The following VPS13C variants were observed in gnomAD, a reference collection of about 807,000 sequenced individuals.
VPS13C encodes vacuolar protein sorting 13 homolog C.
A neutral mutation model predicts 456.8 loss-of-function variants in VPS13C; 358 were observed. The observed-to-expected ratio is 0.78, with a 90% confidence interval of 0.72 to 0.86. The LOEUF is 0.86. Among genes scored for constraint, VPS13C ranks in the 40% least tolerant of loss-of-function variants. VPS13C has a pLI of 0.00. For synonymous variants in VPS13C, 1,578 were observed against 1,486.7 expected, an observed-to-expected ratio of 1.06 and a Z score of -1.41; for missense variants, 4,818 against 4,385.4, an observed-to-expected ratio of 1.10 and a Z score of -2.79.
chr15:61,961,547 A>C, intron 35 of VPS13C, 42 bp downstream of exon 35: 1 of 1,492,490 alleles, frequency 6.7e-7, no homozygotes, highest in East Asian at 2.3e-5. Flanking sequence ...CATGGAAATC[A>C]TGAATATAAT....
At chr15:61,889,118 T>C (rs1449134737) in intron 67 of VPS13C, among the ~76,000 whole-genome samples, 1 of 152,180 alleles carries the variant, frequency 6.6e-6, no homozygotes, top group African/African-American at 2.4e-5. Context: ...ATGAAGTTAT[T>C]TTAGATAAAT....
intron 9 of VPS13C, among the ~76,000 whole-genome samples, chr15:62,016,597 G>T (rs1455583808): frequency 6.6e-6 from 1 of 151,884 alleles, no homozygotes; most frequent in Non-Finnish European, 1.5e-5. Context: ...CAAAGGACAT[G>T]AACTCATCAT....
chr15:61,919,443 T>C lies in VPS13C; in HGVS notation c.7484A>G (p.His2495Arg). Residue 2495 changes from histidine to arginine, a missense_variant, in exon 58 of 85, where the codon CAT becomes CGT. Physicochemically the swap from His to Arg is conservative, Grantham distance 29 (BLOSUM62 0). Around this residue, in one of 3 missense-constraint regions of VPS13C, gnomAD observed 4,552 missense variants for 4,130.6 expected, o/e 1.10. Transcript: ENST00000644861. ...SSFFTLTIVP[H>R]GYTEVANIPV... ...GATATTTGCAACTTCTGTATATCCA[T>C]GAGGTACTAAGGCAGTGCATAAGTG... 2 of 1,580,746 alleles carry C rather than the reference T, an allele frequency of 1.3e-6. No homozygotes were observed. The highest frequency in any genetic ancestry group is 2.3e-5 in the East Asian group (1 of 42,814).
At chr15:61,958,474 T>C in intron 37 of VPS13C, 134 bp downstream of exon 37, 1 of 569,268 alleles carries the variant, frequency 1.8e-6, no homozygotes, top group Non-Finnish European at 3.1e-6. Flanking sequence ...TTCAATAGCA[T>C]CTTGTTTGTT....
At position 61,946,423 on chromosome 15, in the gene VPS13C, T is replaced by A. The variant is rs752389156; in HGVS notation, c.4877-13A>T. 1 of 1,577,762 alleles carries A rather than the reference T, an allele frequency of 6.3e-7. No individual in the cohort carries two copies. ...GAGGCATCCATTCCTATAGGAAACA[T>A]AACATTTATAAACTTTTCACCCAAT... On this transcript the variant is annotated splice_polypyrimidine_tract_variant and intron_variant, in intron 43 of 84. Coordinates refer to ENST00000644861, the MANE Select transcript of VPS13C (RefSeq NM_020821.3).
At chr15:61,896,936 GCCTGAC>G (rs1057080413) in intron 66 of VPS13C, among the ~76,000 whole-genome samples, 56 of 151,900 alleles carry the variant, frequency 3.7e-4, no homozygotes, top group African/African-American at 1.3e-3. Context: ...TCAAGTGGGT[GCCTGAC>G]CCCTGACCCC....
chr15:62,058,132 T>G (rs996314863), intron 1 of VPS13C, among the ~76,000 whole-genome samples: 1 of 152,224 alleles, frequency 6.6e-6, no homozygotes, highest in African/African-American at 2.4e-5. Flanking sequence ...ATGAAGAAAC[T>G]AAGGCCCAAT....
At position 61,920,494 on chromosome 15, in the gene VPS13C, A is replaced by G. The variant is rs773135948; in HGVS notation, c.7212+4T>C. The G allele has an allele frequency of 6.6e-7, 1 of 1,522,606 alleles. No individual in the cohort carries two copies. The highest frequency in any genetic ancestry group is 8.8e-7 in the Non-Finnish European group (1 of 1,135,816). The allele number at this position is 1,522,606 out of a possible 1,614,324, so 94.3% of individuals were successfully genotyped here. ...GAAATATTCTAAGCAAGATTCAGACATACTTTTGCTAAATTGTTGAAAACA... is the reference window on the plus strand; with the variant it reads ...GAAATATTCTAAGCAAGATTCAGACGTACTTTTGCTAAATTGTTGAAAACA... On this transcript the variant is annotated splice_donor_region_variant and intron_variant, in intron 56 of 84. Transcript: ENST00000644861.
At chr15:61,922,843 A>T (rs1042410351) in intron 53 of VPS13C, 81 bp from the exon 54 acceptor site, 1 of 1,090,588 alleles carries the variant, frequency 9.2e-7, no homozygotes, top group African/African-American at 1.6e-5. Flanking sequence ...TTTAAGTGAC[A>T]TACATTAATT....
At position 62,028,341 on chromosome 15, in the gene VPS13C, T is replaced by C; in HGVS notation, c.448+17A>G. On this transcript the variant is annotated intron_variant, in intron 6 of 84. Transcript: ENST00000644861. ...ATATGTTTATATAGTTGAATATAATTAACCATGCATACCCACCAGGCTTGA... is the reference window on the plus strand; with the variant it reads ...ATATGTTTATATAGTTGAATATAATCAACCATGCATACCCACCAGGCTTGA... 6.2e-7 allele frequency: 1 copy of C among 1,612,242 alleles called. No individual in the cohort carries two copies.
At chr15:61,909,837 C>T (rs571783810) in intron 64 of VPS13C, among the ~76,000 whole-genome samples, 2 of 151,874 alleles carry the variant, frequency 1.3e-5, no homozygotes, top group African/African-American at 2.4e-5. Flanking sequence ...TTGTGAATAG[C>T]GCCGCTGGAA....
intron 5 of VPS13C, among the ~76,000 whole-genome samples, 183 bp from the exon 6 acceptor site, chr15:62,028,603 C>T (rs1018297238): frequency 2.0e-5 from 3 of 152,012 alleles, no homozygotes; most frequent in South Asian, 4.1e-4. Context: ...ACACCATTTT[C>T]GTTCTTTCAA....
At chr15:61,881,024 ATTTCAGTG>A in intron 71 of VPS13C, 70 bp from the exon 72 acceptor site, 1 of 1,288,540 alleles carries the variant, frequency 7.8e-7, no homozygotes. Flanking sequence ...TAAAACTTTG[ATTTCAGTG>A]AAAAGCCACA....
chr15:61,881,422 T>C, intron 71 of VPS13C, 141 bp downstream of exon 71: 1 of 778,812 alleles, frequency 1.3e-6, no homozygotes, highest in Non-Finnish European at 1.9e-6. Context: ...CATAAAAGAT[T>C]ACTTGACCAA....
intron 63 of VPS13C, among the ~76,000 whole-genome samples, chr15:61,911,022 T>G (rs1007009122): frequency 3.3e-5 from 5 of 152,132 alleles, no homozygotes; most frequent in Admixed American, 1.3e-4. Context: ...GGCTCTAACT[T>G]TATTTATATT....
intron 47 of VPS13C, among the ~76,000 whole-genome samples, chr15:61,938,491 A>T (rs1052547557): frequency 1.3e-5 from 2 of 152,096 alleles, no homozygotes; most frequent in Non-Finnish European, 2.9e-5. Flanking sequence ...CTATGACCAA[A>T]GGGGGGTGTT....
intron 25 of VPS13C, 114 bp from the exon 26 acceptor site, chr15:61,973,646 TACAC>T: frequency 4.1e-6 from 3 of 725,140 alleles, no homozygotes; most frequent in Non-Finnish European, 7.2e-6. Context: ...GAAAGACACA[TACAC>T]ACAATATAAC....
intron 1 of VPS13C, among the ~76,000 whole-genome samples, chr15:62,057,572 G>A (rs1189668809): frequency 6.6e-6 from 1 of 152,226 alleles, no homozygotes; most frequent in Admixed American, 6.5e-5. Context: ...AGAGTTGTGA[G>A]CTGATAAAGC....
chr15:62,028,260 TA>T, intron 6 of VPS13C, 97 bp downstream of exon 6: 1 of 1,309,528 alleles, frequency 7.6e-7, no homozygotes, highest in Non-Finnish European at 1.1e-6. Flanking sequence ...CCATATTTTC[TA>T]AAAGGATGGC....
Sources: gnomAD v4.1 joint callset for allele counts (sites outside exome capture counted in the v4.1 genomes callset) on GRCh38, gnomAD v4.1.1 for gene constraint, gnomAD v4.1.1 regional missense constraint, MANE v1.5 for transcripts, NCBI Gene and HGNC (gene_info 2026-07-23, HGNC 2026-07-21) for gene names.